The following PKD1L1 variants were observed in gnomAD, a reference collection of about 807,000 sequenced individuals.
PKD1L1 encodes polycystin 1 like 1, transient receptor potential channel interacting, also known as polycystin-1-like protein 1.
In PKD1L1, 236 loss-of-function variants were observed where a neutral mutation model predicts 323.4. The observed-to-expected ratio is 0.73, with a 90% CI of 0.66 to 0.81. PKD1L1 has a LOEUF of 0.81. PKD1L1 is among the 40% of genes least tolerant of loss of function. PKD1L1 has a pLI of 0.00. For missense variants in PKD1L1, 3,320 were observed against 3,508.0 expected (o/e 0.95, Z 1.35); for synonymous variants, 1,344 against 1,335.0 (o/e 1.01, Z -0.15).
chr7:47,888,041 A>T lies in PKD1L1; in HGVS notation c.2785T>A (p.Tyr929Asn). ...TTGACTAAAAAGAGATCCCAGGAAT[A>T]AGACAGATTCGGTATTTCACTGCAG... is the stretch of plus-strand genomic sequence containing the variant. ...EDCSEIPNLS[Y>N]SWDLFLVNAT... The change falls in exon 17 of 57, where the codon TAT (tyrosine) becomes AAT (asparagine). Residue 929 changes from tyrosine (Y) to asparagine (N), a missense_variant. Transcript: ENST00000289672. 3 of 1,613,990 alleles carry T rather than the reference A, an allele frequency of 1.9e-6. No individual in the cohort carries two copies. Among genetic ancestry groups the T allele is most frequent in the Non-Finnish European group, 2.5e-6 (3 of 1,179,852 alleles).
At position 47,839,614 on chromosome 7, in the gene PKD1L1, G is replaced by C; in HGVS notation, c.5601C>G (p.Asp1867Glu). 1 of 1,590,850 alleles carries C rather than the reference G, an allele frequency of 6.3e-7. No individual in the cohort carries two copies. The highest frequency in any genetic ancestry group is 1.8e-5 in the Admixed American group (1 of 56,852). ...ACCAGCCTGGGGAAGGCCCACGGCT[G>C]TCGTGCCAGAGGCGGATCTTCCTCA... ...GLLRKIRLWHDSRGPSPGWFI... is the reference protein window; with the variant it reads ...GLLRKIRLWHESRGPSPGWFI... Residue 1867 changes from aspartate (D) to glutamate (E), a missense_variant, in exon 36 of 57, where the codon GAC becomes GAG. By Grantham distance (45) the Asp-to-Glu change is conservative. Coordinates refer to ENST00000289672, the MANE Select transcript of PKD1L1 (RefSeq NM_138295.5). The surrounding 1 kb of genome is among the most constrained non-coding windows in gnomAD (Gnocchi z 4.3).
At chr7:47,820,364 T>G (rs1171602030) in intron 46 of PKD1L1, among the ~76,000 whole-genome samples, 1 of 152,200 alleles carries the variant, frequency 6.6e-6, no homozygotes, top group African/African-American at 2.4e-5. Flanking sequence ...CAACATCTAC[T>G]ACTTATAGAA....
chr7:47,848,267 C>G (rs1226315085), intron 31 of PKD1L1, among the ~76,000 whole-genome samples: 1 of 151,988 alleles, frequency 6.6e-6, no homozygotes, highest in Non-Finnish European at 1.5e-5. Context: ...AGTATATGCA[C>G]AAGTCTTCCA....
chr7:47,779,626 C>T (rs1786644902), intron 56 of PKD1L1, among the ~76,000 whole-genome samples: 1 of 152,214 alleles, frequency 6.6e-6, no homozygotes, highest in African/African-American at 2.4e-5. Flanking sequence ...CTGAGAATGG[C>T]TCCACCTTTA....
intron 4 of PKD1L1, 92 bp from the exon 5 acceptor site, chr7:47,932,148 C>T (rs1474136619): frequency 1.7e-5 from 26 of 1,496,516 alleles, no homozygotes; most frequent in Non-Finnish European, 2.1e-5. Flanking sequence ...ATGCCCTTCA[C>T]CAGGCTTTGC....
chr7:47,953,744 A>T, the PKD1L1 span, among the ~76,000 whole-genome samples: 2 of 152,252 alleles, frequency 1.3e-5, no homozygotes, highest in Non-Finnish European at 2.9e-5. Flanking sequence ...TGAAGTGTTA[A>T]TGAGGAAGTC....
At chr7:47,814,432 T>G (rs1020356244) in intron 47 of PKD1L1, among the ~76,000 whole-genome samples, 1 of 152,190 alleles carries the variant, frequency 6.6e-6, no homozygotes, top group Non-Finnish European at 1.5e-5. Flanking sequence ...CAGGCTGGAG[T>G]GCAGTGGTGT....
intron 15 of PKD1L1, among the ~76,000 whole-genome samples, chr7:47,893,229 C>CAAAAAA (rs529686945): frequency 3.8e-5 from 2 of 52,998 alleles, no homozygotes; most frequent in African/African-American, 5.7e-5. Context: ...GACCCTATCT[C>CAAAAAA]AAAAAAAAAA....
chr7:47,942,304 C>A (rs564728970), intron 2 of PKD1L1, among the ~76,000 whole-genome samples: 1 of 152,216 alleles, frequency 6.6e-6, no homozygotes, highest in East Asian at 1.9e-4. Flanking sequence ...TGTACGTAAG[C>A]AGCAGCAGCA....
intron 7 of PKD1L1, among the ~76,000 whole-genome samples, chr7:47,924,479 A>G (rs970465736): frequency 1.3e-5 from 2 of 152,232 alleles, no homozygotes; most frequent in African/African-American, 4.8e-5. Context: ...TGGGAAAGTT[A>G]CACATTTTGC....
intron 14 of PKD1L1, among the ~76,000 whole-genome samples, chr7:47,897,281 G>C (rs2128749808): frequency 6.6e-6 from 1 of 152,316 alleles, no homozygotes; most frequent in Non-Finnish European, 1.5e-5. Flanking sequence ...CAGCTTAAAA[G>C]AACAAAGCTC....
intron 53 of PKD1L1, among the ~76,000 whole-genome samples, chr7:47,802,191 CAA>C (rs5884026): frequency 0.011 from 1,203 of 105,860 alleles, 12 homozygotes; most frequent in African/African-American, 0.025. Context: ...GACTCTATCT[CAA>C]AAAAAAAAAA....
At chr7:47,788,201 G>A (rs1049370683) in intron 56 of PKD1L1, among the ~76,000 whole-genome samples, 3 of 151,662 alleles carry the variant, frequency 2.0e-5, no homozygotes, top group African/African-American at 4.8e-5. Context: ...TTTATCAAAT[G>A]CAGCCATGGA....
chr7:47,890,664 A>T lies in PKD1L1; in HGVS notation c.2553T>A (p.Phe851Leu). ...QLDAAAPTVS[F>L]EAQWLSDSYD... ...AGCTGTCACTGAGCCATTGTGCCTC[A>T]AAGGAAACAGTGGGAGCCGCGGCAT... Residue 851 changes from phenylalanine to leucine, a missense_variant, in exon 16 of 57, where the codon TTT (phenylalanine) becomes TTA (leucine). Physicochemically the swap from Phe to Leu is conservative, Grantham distance 22. Transcript: ENST00000289672. The T allele has an allele frequency of 6.2e-7, 1 of 1,614,092 alleles. No homozygotes were observed. The highest frequency in any genetic ancestry group is 8.5e-7 in the Non-Finnish European group (1 of 1,180,006).
intron 8 of PKD1L1, among the ~76,000 whole-genome samples, chr7:47,910,662 CTT>C (rs1248397881): frequency 3.2e-5 from 4 of 126,680 alleles, no homozygotes; most frequent in African/African-American, 5.9e-5. Context: ...TTCAAGTTGA[CTT>C]TTTTTTTTTT....
chr7:47,921,238 CAA>C (rs139205889), intron 7 of PKD1L1, among the ~76,000 whole-genome samples: 5 of 79,594 alleles, frequency 6.3e-5, no homozygotes, highest in Non-Finnish European at 1.2e-4. Flanking sequence ...AGACAATTCT[CAA>C]AAAAAAAAAA....
intron 12 of PKD1L1, 110 bp from the exon 13 acceptor site, chr7:47,902,621 A>G: frequency 7.7e-7 from 1 of 1,304,886 alleles, no homozygotes; most frequent in Non-Finnish European, 1.1e-6. Flanking sequence ...TTTGACAGCA[A>G]GTCATCCCAT....
intron 25 of PKD1L1, 131 bp from the exon 26 acceptor site, chr7:47,865,403 T>C (rs1322888430): frequency 2.2e-5 from 16 of 728,048 alleles, no homozygotes; most frequent in South Asian, 2.0e-4. Context: ...AAAAGACCAA[T>C]TGGAGGCCAG....
chr7:47,933,959 A>G (rs549698135), intron 4 of PKD1L1, among the ~76,000 whole-genome samples: 1 of 152,294 alleles, frequency 6.6e-6, no homozygotes, highest in East Asian at 1.9e-4. Context: ...AGACTGATGA[A>G]TCCTTCGGTC....
Sources: gnomAD v4.1 joint callset for allele counts (sites outside exome capture counted in the v4.1 genomes callset) on GRCh38, gnomAD v4.1.1 for gene constraint, Gnocchi (gnomAD v3.1) non-coding constraint, MANE v1.5 for transcripts, NCBI Gene and HGNC (gene_info 2026-07-23, HGNC 2026-07-21) for gene names.